AP4B1: variants seen among roughly 807,000 people sequenced by gnomAD.
The protein encoded by AP4B1 is AP-4 complex subunit beta-1.
AP4B1 carries 49 observed loss-of-function variants against 76.5 expected under a neutral mutation model. The ratio of observed to expected loss-of-function variants is 0.64; its 90% CI spans 0.51 to 0.81. The LOEUF (loss-of-function observed/expected upper bound fraction) is 0.81, where lower values mean the gene tolerates loss of function less well. AP4B1 is among the 40% of genes least tolerant of loss of function. AP4B1 has a pLI of 0.00. For missense variants in AP4B1, 911 were observed against 904.9 expected, an observed-to-expected ratio of 1.01 and a Z score of -0.09; for synonymous variants, 330 against 333.3, an observed-to-expected ratio of 0.99 and a Z score of 0.11.
Position 113,897,863 on chromosome 1 carries a change from C to G in AP4B1, c.1279G>C (p.Glu427Gln). ...EAVCQALPGC[E>Q]ENIQDSEGKQ... The stretch of plus-strand genomic sequence containing the variant: ...ACCTCACTATCTTGAATGTTCTCTT[C>G]ACAGCCGGGCAGGGCCTGACATACA... The change falls in exon 7 of 10, where the codon GAA (glutamate) becomes CAA (glutamine). Residue 427 changes from glutamate to glutamine, a missense_variant. Coordinates refer to ENST00000369569, the MANE Select transcript of AP4B1 (RefSeq NM_001253852.3). 6.2e-7 allele frequency: 1 copy of G among 1,614,134 alleles called. No homozygotes were observed. Among genetic ancestry groups the G allele is most frequent in the Non-Finnish European group, 8.5e-7 (1 of 1,180,012 alleles).
Position 113,894,893 on chromosome 1 carries a change from A to C in AP4B1, c.*172T>G. Reference sequence around the variant, plus strand: ...AAAAATGGGGTCAATTGCCAATAGGAATGAAAGGAATGAATCAATGTTCTT... The same window carrying C: ...AAAAATGGGGTCAATTGCCAATAGGCATGAAAGGAATGAATCAATGTTCTT... On this transcript the variant is annotated 3_prime_UTR_variant, in exon 10 of 10. Transcript: ENST00000369569. 1.5e-6 allele frequency: 1 copy of C among 688,494 alleles called. No individual in the cohort carries two copies. Among genetic ancestry groups the C allele is most frequent in the Non-Finnish European group, 2.4e-6 (1 of 418,980 alleles). The allele number at this position is 688,494 out of a possible 1,614,324, so 42.6% of individuals were successfully genotyped here.
In AP4B1 at chr1:113,904,730, C is replaced by T. The variant is rs1277516051; in HGVS notation, c.-13G>A. 1 of 1,609,452 alleles carries T rather than the reference C, an allele frequency of 6.2e-7. No homozygotes were observed. On this transcript the variant is annotated 5_prime_UTR_variant, in exon 1 of 10. Transcript: ENST00000369569. The stretch of plus-strand genomic sequence containing the variant: ...CAAGGTACGGCATCTTCCTAAGAGT[C>T]ACAGGGCAGCTCCCACAGCTCCCAC...
intron 6 of AP4B1, among the ~76,000 whole-genome samples, chr1:113,898,314 G>C (rs1351993831): frequency 6.6e-6 from 1 of 152,180 alleles, no homozygotes; most frequent in Non-Finnish European, 1.5e-5. Flanking sequence ...CAAAATTGAA[G>C]AAGACATGCA....
rs1667285969 is a variant in AP4B1 at position 113,894,958 on chromosome 1, C to T, written c.*107G>A. On this transcript the variant is annotated 3_prime_UTR_variant, in exon 10 of 10. Transcript: ENST00000369569. ...AGAATCCTGATTTCTAGATTTTCCA[C>T]TCTCCTTTGTATCTGATATTATCTG... is the stretch of plus-strand genomic sequence containing the variant. The T allele has an allele frequency of 4.9e-6, 6 of 1,231,498 alleles. No homozygotes were observed. The highest frequency in any genetic ancestry group is 6.7e-6 in the Non-Finnish European group (6 of 890,718). The allele number at this position is 1,231,498 out of a possible 1,614,324, so 76.3% of individuals were successfully genotyped here. A position where few individuals can be genotyped will look rare whatever the true frequency, so the allele number is the denominator to read the frequency against.
chr1:113,901,010 G>C, intron 4 of AP4B1: 1 of 547,722 alleles, frequency 1.8e-6, no homozygotes, highest in South Asian at 2.0e-5. Flanking sequence ...GGGAGGCTGA[G>C]GCAGGAGAAT....
intron 1 of AP4B1, 72 bp from the exon 2 acceptor site, chr1:113,902,934 C>T: frequency 7.3e-7 from 1 of 1,378,628 alleles, no homozygotes. Context: ...GTTTTACTTA[C>T]ATATCTCCTG....
At chr1:113,901,162 A>C in intron 4 of AP4B1, 74 bp downstream of exon 4, 2 of 1,564,004 alleles carry the variant, frequency 1.3e-6, no homozygotes, top group Non-Finnish European at 1.8e-6. Flanking sequence ...TAAGTTGTTC[A>C]ATACTTTAAT....
intron 2 of AP4B1, chr1:113,902,121 C>T (rs769353978): frequency 5.8e-6 from 3 of 513,952 alleles, no homozygotes; most frequent in Non-Finnish European, 1.1e-5. Context: ...CTCACTGCTG[C>T]CTTGAATTCC....
At chr1:113,901,183 G>C in intron 4 of AP4B1, 53 bp downstream of exon 4, 6 of 1,603,930 alleles carry the variant, frequency 3.7e-6, no homozygotes, top group Non-Finnish European at 5.1e-6. Context: ...ACATCAACAA[G>C]ATCCCACAAG....
At chr1:113,896,653 T>C (rs1667509886) in intron 7 of AP4B1, 188 bp from the exon 8 acceptor site, 2 of 628,278 alleles carry the variant, frequency 3.2e-6, no homozygotes, top group Non-Finnish European at 5.6e-6. Flanking sequence ...GAAATTCTAA[T>C]ACACAAGAGG....
Position 113,904,629 on chromosome 1 carries a change from C to T in AP4B1, c.89G>A (p.Arg30Gln). The part of the protein sequence containing the change: ...PHIQADRLRY[R>Q]NVIQRVIRYM... ...CCTAATCACTCGCTGGATGACATTCCGGTAGCGCAGCCTATCAGCTTGAAT... is the reference window on the plus strand; with the variant it reads ...CCTAATCACTCGCTGGATGACATTCTGGTAGCGCAGCCTATCAGCTTGAAT... The change falls in exon 1 of 10, where the codon CGG (arginine) becomes CAG (glutamine). Residue 30 changes from arginine (R) to glutamine (Q), a missense_variant. Physicochemically the swap from Arg to Gln is conservative, Grantham distance 43 (BLOSUM62 1). Coordinates refer to ENST00000369569, the MANE Select transcript of AP4B1 (RefSeq NM_001253852.3). 6.2e-7 allele frequency: 1 copy of T among 1,613,856 alleles called. No individual in the cohort carries two copies.
At position 113,900,330 on chromosome 1, in the gene AP4B1, C is replaced by T. The variant is rs921193738; in HGVS notation, c.688G>A (p.Glu230Lys). The T allele has an allele frequency of 1.9e-6, 3 of 1,608,846 alleles. No homozygotes were observed. Among genetic ancestry groups the T allele is most frequent in the Non-Finnish European group, 2.5e-6 (3 of 1,177,850 alleles). ...NFLLRYQPRSEEELFDILNLL... is the reference protein window; with the variant it reads ...NFLLRYQPRSKEELFDILNLL... ...TTGAGAATGTCAAATAGTTCTTCCT[C>T]ACTGCGGGGTTGGTAGCGTAGCAGA... Residue 230 changes from glutamate to lysine, a missense_variant, in exon 5 of 10, where the codon GAG becomes AAG. Physicochemically the swap from Glu to Lys is moderately conservative, Grantham distance 56. Coordinates refer to ENST00000369569, the MANE Select transcript of AP4B1 (RefSeq NM_001253852.3).
At chr1:113,897,377 G>C in intron 7 of AP4B1, 1 of 206,338 alleles carries the variant, frequency 4.8e-6, no homozygotes, top group Non-Finnish European at 1.0e-5. Context: ...GATCACTTGA[G>C]GCTAGGAATT....
chr1:113,894,511 C>T lies in AP4B1; in HGVS notation c.*554G>A, dbSNP rs1165648013. On this transcript the variant is annotated 3_prime_UTR_variant, in exon 10 of 10. Coordinates refer to ENST00000369569, the MANE Select transcript of AP4B1 (RefSeq NM_001253852.3). ...ATAAATAAAAGCAGGTTTAAGTTAA[C>T]ACAGAGGTGAAAGAAGCAGGTGTAT... 3.3e-5 allele frequency among the ~76,000 whole-genome samples: 5 copies of T among 152,122 alleles called. No homozygotes were observed. The highest frequency in any genetic ancestry group is 1.2e-4 in the African/African-American group (5 of 41,416).
In AP4B1 at chr1:113,900,057, A is replaced by G. The variant is rs539537405; in HGVS notation, c.961T>C (p.Ser321Pro). Residue 321 changes from serine to proline, a missense_variant, in exon 5 of 10, where the codon TCC becomes CCC. Transcript: ENST00000369569. ...FSSHYKKFFC[S>P]YSEPHYIKLQ... is the part of the protein sequence containing the mutation. ...TTGATGTAGTGGGGCTCCGAGTAGG[A>G]GCAAAAAAACTTTTTGTAGTGGCTG... The G allele has an allele frequency of 3.7e-6, 6 of 1,614,190 alleles. No homozygotes were observed. In the South Asian group the frequency reaches 6.6e-5, roughly 18 times the overall value.
intron 1 of AP4B1, among the ~76,000 whole-genome samples, chr1:113,903,312 C>T (rs781738438): frequency 1.3e-4 from 20 of 152,212 alleles, no homozygotes; most frequent in Non-Finnish European, 1.8e-4. Flanking sequence ...GTGATCCACC[C>T]GCCTTGGCCT....
rs763494738 is a variant in AP4B1, at chr1:113,901,894, C to T, written c.339-9G>A. On this transcript the variant is annotated splice_polypyrimidine_tract_variant and intron_variant, in intron 2 of 9. Coordinates refer to ENST00000369569, the MANE Select transcript of AP4B1 (RefSeq NM_001253852.3). ...CCTGCACACCAGGCATCCTAAGCAACACATCCTGGAGTTAGCCAGATTCTG... is the reference window on the plus strand; with the variant it reads ...CCTGCACACCAGGCATCCTAAGCAATACATCCTGGAGTTAGCCAGATTCTG... 34 of 1,613,966 alleles carry T rather than the reference C, an allele frequency of 2.1e-5. No homozygotes were observed. Among genetic ancestry groups the T allele is most frequent in the Non-Finnish European group, 2.6e-5 (31 of 1,180,004 alleles).
Position 113,894,725 on chromosome 1 carries a change from C to T in AP4B1, c.*340G>A, listed in dbSNP as rs934873772. 2 of 273,880 alleles carry T rather than the reference C, an allele frequency of 7.3e-6. No homozygotes were observed. Among genetic ancestry groups the T allele is most frequent in the Admixed American group, 5.1e-5 (1 of 19,726 alleles). The allele number at this position is 273,880 out of a possible 1,614,324, so 17.0% of individuals were successfully genotyped here. On this transcript the variant is annotated 3_prime_UTR_variant, in exon 10 of 10. Coordinates refer to ENST00000369569, the MANE Select transcript of AP4B1 (RefSeq NM_001253852.3). ...TAATCCAGGGAAGAAAAGATGACCC[C>T]CACAAATGATGACCCCTATCAGTTT...
rs143389123 is a variant in AP4B1 at position 113,899,936 on chromosome 1, G to A, written c.1082C>T (p.Ala361Val). 190 of 1,614,164 alleles carry A rather than the reference G, an allele frequency of 1.2e-4. No homozygotes were observed. The East Asian group carries it at 3.1e-3, about 26-fold the overall frequency. ...ELRGYCTDVS[A>V]DFAQAAIFAI... ...AAAGATGGCAGCCTGTGCAAAGTCC[G>A]CAGACACATCCGTGCAGTACCCTCG... The change falls in exon 5 of 10, where the codon GCG (alanine) becomes GTG (valine). Residue 361 changes from alanine (A) to valine (V), a missense_variant. Coordinates refer to ENST00000369569, the MANE Select transcript of AP4B1 (RefSeq NM_001253852.3).
Sources: gnomAD v4.1 joint callset for allele counts (sites outside exome capture counted in the v4.1 genomes callset) on GRCh38, gnomAD v4.1.1 for gene constraint, MANE v1.5 for transcripts, NCBI Gene and HGNC (gene_info 2026-07-23, HGNC 2026-07-21) for gene names.